Variants in KCNIP1 observed in about 807,000 individuals in gnomAD.
KCNIP1 encodes the protein A-type potassium channel modulatory protein KCNIP1.
KCNIP1 carries 18 observed loss-of-function variants against 33.0 expected under a neutral mutation model. The ratio of observed to expected loss-of-function variants is 0.55; its 90% CI spans 0.38 to 0.81. KCNIP1 has a LOEUF of 0.81. Among genes scored for constraint, KCNIP1 ranks in the 30% least tolerant of loss-of-function variants. KCNIP1 has a pLI of 0.00. For synonymous variants in KCNIP1, 93 were observed against 98.3 expected, an observed-to-expected ratio of 0.95 and a Z score of 0.32; for missense variants, 238 against 271.6, an observed-to-expected ratio of 0.88 and a Z score of 0.87.
At chr5:170,674,893 GCTGCTTAAAGCACAA>G (rs1762068520) in intron 1 of KCNIP1, among the ~76,000 whole-genome samples, 1 of 152,130 alleles carries the variant, frequency 6.6e-6, no homozygotes, top group African/African-American at 2.4e-5. Flanking sequence ...TCCACAAGGT[GCTGCTTAAAGCACAA>G]CACCTCTTCC....
intron 1 of KCNIP1, among the ~76,000 whole-genome samples, chr5:170,407,070 G>A (rs1421543164): frequency 2.0e-5 from 3 of 152,218 alleles, no homozygotes; most frequent in African/African-American, 7.2e-5. Flanking sequence ...ATGGAGCCTT[G>A]GGGGTGATTT....
intron 1 of KCNIP1, among the ~76,000 whole-genome samples, chr5:170,416,247 T>C (rs1477760677): frequency 1.5e-4 from 23 of 151,992 alleles, no homozygotes. Context: ...AAGTCATATC[T>C]CAGGGTGGGA....
Position 170,353,926 on chromosome 5 carries a change from A to G in KCNIP1, c.50A>G (p.Gln17Arg), listed in dbSNP as rs139169054. 2.6e-4 allele frequency: 413 copies of G among 1,614,262 alleles called. No individual in the cohort carries two copies. The African/African-American group carries it at 4.5e-3, about 18-fold the overall frequency. The change falls in exon 1 of 8, where the codon CAG becomes CGG. Residue 17 changes from glutamine (Q) to arginine (R), a missense_variant. By Grantham distance (43) the Gln-to-Arg change is conservative. Transcript: ENST00000377360. ...AAGCTTGGGTTCGTGAAATTTGCCC[A>G]GACCATCTTTAAGCTCATCACTGGG...
intron 1 of KCNIP1, among the ~76,000 whole-genome samples, chr5:170,663,027 G>A (rs1761559115): frequency 6.6e-6 from 1 of 152,134 alleles, no homozygotes; most frequent in African/African-American, 2.4e-5. Flanking sequence ...ACCTAGGAGA[G>A]GCCACCTCAC....
At chr5:170,552,182 G>C (rs539719359) in intron 1 of KCNIP1, among the ~76,000 whole-genome samples, 94 of 152,286 alleles carry the variant, frequency 6.2e-4, no homozygotes, top group African/African-American at 2.2e-3. Context: ...ACTGGGCCCT[G>C]GGAGGACCAG....
At position 170,602,299 on chromosome 5, in the gene KCNIP1, C is replaced by T. The variant is rs562715581; in HGVS notation, c.61+97666C>T. 1.1e-4 allele frequency among the ~76,000 whole-genome samples: 16 copies of T among 152,198 alleles called. 1 individual carries two copies. Among genetic ancestry groups the T allele is most frequent in the Non-Finnish European group, 1.8e-4 (12 of 68,048 alleles). On this transcript the variant is annotated intron_variant, in intron 1 of 7. Transcript: ENST00000328939. ...CCACTTCCCTCCTCTGCATCTTAGC[C>T]GCAAGGGACTTTCAGACCAAGCAGA...
chr5:170,648,772 G>A (rs1760894894), intron 1 of KCNIP1, among the ~76,000 whole-genome samples: 1 of 152,196 alleles, frequency 6.6e-6, no homozygotes, highest in Non-Finnish European at 1.5e-5. Context: ...TGATAGTGAT[G>A]TGTCATTGTA....
rs1162910073 is a variant in KCNIP1 at position 170,504,188 on chromosome 5, C to A, written c.-385C>A. 3.9e-6 allele frequency: 4 copies of A among 1,021,152 alleles called. No homozygotes were observed. Among genetic ancestry groups the A allele is most frequent in the East Asian group, 8.6e-5 (1 of 11,570 alleles). 63.3% of individuals were successfully genotyped at this position (1,021,152 alleles called of 1,614,324 possible). A position where few individuals can be genotyped will look rare whatever the true frequency, so the allele number is the denominator to read the frequency against. ...GTGTGCGGCAGGAGGGGCGGGCGGA[C>A]GGCGGCTCCCGCACCGCACGCGGCG... On this transcript the variant is annotated 5_prime_UTR_variant, in exon 1 of 8. Transcript: ENST00000328939. This position sits in a 1 kb window ranked among gnomAD's most constrained non-coding sequence, Gnocchi z 6.0.
At chr5:170,444,287 A>T (rs1581198366) in intron 1 of KCNIP1, among the ~76,000 whole-genome samples, 1 of 151,902 alleles carries the variant, frequency 6.6e-6, no homozygotes, top group Non-Finnish European at 1.5e-5. Context: ...CTAGAGGCTG[A>T]CCCCATTCTT....
Position 170,519,393 on chromosome 5 carries a change from G to C in KCNIP1, c.61+14760G>C, listed in dbSNP as rs558854030. On this transcript the variant is annotated intron_variant, in intron 1 of 7. Coordinates refer to ENST00000328939, the MANE Select transcript of KCNIP1 (RefSeq NM_014592.4). ...CTGCAGGCATTTGGGTTCAAATGCT[G>C]TTCTGCTGAATAAGGAATACGATTT... Among the ~76,000 whole-genome samples the C allele has an allele frequency of 8.5e-5, 13 of 152,258 alleles. No individual in the cohort carries two copies. In the East Asian group the frequency reaches 2.1e-3, roughly 25 times the overall value.
At chr5:170,390,512 AAACAAAT>A (rs1764680222) in intron 1 of KCNIP1, among the ~76,000 whole-genome samples, 1 of 78,052 alleles carries the variant, frequency 1.3e-5, no homozygotes, top group Admixed American at 1.4e-4. Flanking sequence ...CAAAAAAAAA[AAACAAAT>A]ATATATATAT....
intron 1 of KCNIP1, among the ~76,000 whole-genome samples, chr5:170,463,647 C>G (rs1384831955): frequency 6.6e-6 from 1 of 152,076 alleles, no homozygotes; most frequent in Non-Finnish European, 1.5e-5. Context: ...ACTCAACAAA[C>G]TAGAAATAGA....
intron 1 of KCNIP1, among the ~76,000 whole-genome samples, chr5:170,543,429 AT>A (rs2113387224): frequency 6.6e-6 from 1 of 152,314 alleles, no homozygotes; most frequent in African/African-American, 2.4e-5. Context: ...AGTCTTTTTT[AT>A]TGTCTAGTAA....
chr5:170,706,247 C>T (rs1032522975), intron 1 of KCNIP1, among the ~76,000 whole-genome samples: 2 of 152,194 alleles, frequency 1.3e-5, no homozygotes, highest in African/African-American at 4.8e-5. Flanking sequence ...TAAGCCTACC[C>T]TCTGAAACTG....
At chr5:170,577,732 C>T (rs1757652594) in intron 1 of KCNIP1, among the ~76,000 whole-genome samples, 1 of 152,106 alleles carries the variant, frequency 6.6e-6, no homozygotes, top group Non-Finnish European at 1.5e-5. Context: ...TAATTCAGAT[C>T]CTAGGGCCTT....
intron 1 of KCNIP1, among the ~76,000 whole-genome samples, chr5:170,664,838 G>A (rs757509426): frequency 1.3e-5 from 2 of 152,142 alleles, no homozygotes; most frequent in Non-Finnish European, 2.9e-5. Flanking sequence ...TTTAGACAAG[G>A]TGGTAAAGGG....
intron 1 of KCNIP1, among the ~76,000 whole-genome samples, chr5:170,632,490 C>T (rs983487590): frequency 1.3e-5 from 2 of 152,256 alleles, no homozygotes; most frequent in African/African-American, 2.4e-5. Context: ...TAGGCCAGGG[C>T]GAACCAACAG....
intron 1 of KCNIP1, among the ~76,000 whole-genome samples, chr5:170,450,329 A>G (rs1391240426): frequency 6.6e-6 from 1 of 152,116 alleles, no homozygotes; most frequent in Non-Finnish European, 1.5e-5. Context: ...GTGTCTGCAT[A>G]CATTTTTTCA....
At chr5:170,418,587 C>A (rs1581173787) in intron 1 of KCNIP1, among the ~76,000 whole-genome samples, 1 of 152,304 alleles carries the variant, frequency 6.6e-6, no homozygotes, top group East Asian at 1.9e-4. Flanking sequence ...CCTATCCAGT[C>A]CCCTACTCAA....
Sources: gnomAD v4.1 joint callset for allele counts (sites outside exome capture counted in the v4.1 genomes callset) on GRCh38, gnomAD v4.1.1 for gene constraint, Gnocchi (gnomAD v3.1) non-coding constraint, MANE v1.5 for transcripts, NCBI Gene and HGNC (gene_info 2026-07-23, HGNC 2026-07-21) for gene names.